The following MICAL2 variants were observed in gnomAD, a reference collection of about 807,000 sequenced individuals.
The protein encoded by MICAL2 is [F-actin]-monooxygenase MICAL2.
MICAL2 carries 77 observed loss-of-function variants against 127.3 expected under a neutral mutation model. The ratio of observed to expected loss-of-function variants is 0.60; its 90% CI spans 0.50 to 0.73. The LOEUF is 0.73. MICAL2 is among the 30% of genes least tolerant of loss of function. The pLI is 0.00. For synonymous variants in MICAL2, 570 were observed against 551.1 expected, an observed-to-expected ratio of 1.03 and a Z score of -0.48; for missense variants, 1,351 against 1,434.4, an observed-to-expected ratio of 0.94 and a Z score of 0.94.
intron 1 of MICAL2, among the ~76,000 whole-genome samples, chr11:12,126,473 T>C (rs1850929213): frequency 6.6e-6 from 1 of 152,212 alleles, no homozygotes; most frequent in African/African-American, 2.4e-5. Flanking sequence ...AGATCACAGC[T>C]GGCTCTGAAG....
chr11:12,266,111 C>G (rs1185667785), downstream of MICAL2, among the ~76,000 whole-genome samples: 1 of 151,672 alleles, frequency 6.6e-6, no homozygotes, highest in Non-Finnish European at 1.5e-5. Context: ...GACTCTGTCT[C>G]AAAAAGAAAA....
At chr11:12,341,270 A>G (rs2134881186) in intron 32 of MICAL2, among the ~76,000 whole-genome samples, 1 of 152,252 alleles carries the variant, frequency 6.6e-6, no homozygotes, top group Non-Finnish European at 1.5e-5. Flanking sequence ...GAAGATGAAG[A>G]CTACATCAAC....
At chr11:12,322,329 T>A (rs969748773) in intron 30 of MICAL2, among the ~76,000 whole-genome samples, 1 of 152,094 alleles carries the variant, frequency 6.6e-6, no homozygotes, top group African/African-American at 2.4e-5. Context: ...TCCAGAAAGA[T>A]CCTAGCTGCC....
downstream of MICAL2, among the ~76,000 whole-genome samples, chr11:12,362,124 T>G (rs1443498277): frequency 6.6e-6 from 1 of 152,240 alleles, no homozygotes; most frequent in Non-Finnish European, 1.5e-5. Context: ...AATGGTTTTG[T>G]GTCTCAGGAA....
Position 12,269,315 on chromosome 11 carries a change from G to A in MICAL2, c.3335-6671G>A, listed in dbSNP as rs182066433. Reference sequence around the variant, plus strand: ...TCCTCATTCAGAGGAATGCGGGTATGGGTCCTGGCTGTGCCCAAAGCTGAA... The same window carrying A: ...TCCTCATTCAGAGGAATGCGGGTATAGGTCCTGGCTGTGCCCAAAGCTGAA... On this transcript the variant is annotated intron_variant, in intron 24 of 34. Coordinates refer to the MICAL2 transcript ENST00000646065. Among the ~76,000 whole-genome samples the A allele has an allele frequency of 6.0e-3, 912 of 152,290 alleles. 22 individuals carry two copies. Among genetic ancestry groups the A allele is most frequent in the African/African-American group, 0.021 (884 of 41,546 alleles).
rs1295185463 is a variant in MICAL2, at chr11:12,218,378, G to T, written c.949-1823G>T. On this transcript the variant is annotated intron_variant, in intron 8 of 27. Coordinates refer to ENST00000683283, the MANE Select transcript of MICAL2 (RefSeq NM_001282663.2). ...TTCTTCCATCCCCCCACTCATCTGG[G>T]ACCCTCCAGCCACTAAGAGACTCCA... is the stretch of plus-strand genomic sequence containing the variant. 2.6e-5 allele frequency among the ~76,000 whole-genome samples: 4 copies of T among 152,064 alleles called. No homozygotes were observed. The East Asian group carries it at 7.7e-4, about 29-fold the overall frequency.
intron 3 of MICAL2, among the ~76,000 whole-genome samples, chr11:12,172,780 G>C (rs1856424903): frequency 6.6e-6 from 1 of 151,966 alleles, no homozygotes; most frequent in South Asian, 2.1e-4. Context: ...AACAGGAGAG[G>C]TCAGTCTCCT....
intron 16 of MICAL2, 24 bp downstream of exon 16, chr11:12,236,269 A>C: frequency 1.2e-6 from 2 of 1,610,754 alleles, no homozygotes; most frequent in Non-Finnish European, 1.7e-6. Flanking sequence ...GTGTGGCTTT[A>C]AACAGAGGCT....
chr11:12,242,824 C>A, intron 20 of MICAL2, 52 bp downstream of exon 20: 1 of 1,374,942 alleles, frequency 7.3e-7, no homozygotes, highest in Non-Finnish European at 1.0e-6. Context: ...GACATCCAGC[C>A]AGGTGACCTT....
intron 3 of MICAL2, among the ~76,000 whole-genome samples, chr11:12,182,236 G>T (rs1332074086): frequency 1.3e-5 from 2 of 152,302 alleles, no homozygotes; most frequent in Admixed American, 6.5e-5. Flanking sequence ...GAGATGGTTT[G>T]TGGCATAAAA....
At chr11:12,239,979 G>C (rs1441247788) in intron 17 of MICAL2, among the ~76,000 whole-genome samples, 1 of 152,240 alleles carries the variant, frequency 6.6e-6, no homozygotes, top group Non-Finnish European at 1.5e-5. Flanking sequence ...TTCCAACCGT[G>C]ACTTGGTTTG....
At chr11:12,318,273 C>T (rs1864252704) in intron 29 of MICAL2, among the ~76,000 whole-genome samples, 1 of 152,158 alleles carries the variant, frequency 6.6e-6, no homozygotes, top group Admixed American at 6.5e-5. Flanking sequence ...AAGAAGTGAA[C>T]ACTCAGTGAC....
At chr11:12,282,398 T>A (rs1330534449) in intron 2 of MICAL2, among the ~76,000 whole-genome samples, 1 of 152,126 alleles carries the variant, frequency 6.6e-6, no homozygotes, top group Non-Finnish European at 1.5e-5. Context: ...CATTTCCAGA[T>A]ATGAAGTTGG....
chr11:12,322,459 A>G (rs1281287083), intron 30 of MICAL2, among the ~76,000 whole-genome samples: 1 of 152,246 alleles, frequency 6.6e-6, no homozygotes, highest in Non-Finnish European at 1.5e-5. Flanking sequence ...GAGTTCTGAG[A>G]GTAAAATTTT....
chr11:12,191,144 G>A (rs916954295), intron 3 of MICAL2, among the ~76,000 whole-genome samples: 1 of 152,160 alleles, frequency 6.6e-6, no homozygotes, highest in Non-Finnish European at 1.5e-5. Context: ...GTTCTAGAGG[G>A]AGACAAACAA....
intron 32 of MICAL2, among the ~76,000 whole-genome samples, chr11:12,333,068 A>T (rs1306762547): frequency 6.6e-6 from 1 of 152,222 alleles, no homozygotes; most frequent in Non-Finnish European, 1.5e-5. Context: ...GAACAAACGT[A>T]TTAATGAGAG....
In MICAL2 at chr11:12,194,728, G is replaced by A. The variant is rs1001942726; in HGVS notation, c.265-9522G>A. ...TGGCCAGATCCAGGCCTTACCCCTC[G>A]ACTAGGAGCTCTGTGCTATTAAAAG... On this transcript the variant is annotated intron_variant, in intron 3 of 27. Transcript: ENST00000683283. Among the ~76,000 whole-genome samples the A allele has an allele frequency of 3.3e-5, 5 of 152,060 alleles. No homozygotes were observed. The East Asian group carries it at 5.8e-4, about 18-fold the overall frequency.
intron 29 of MICAL2, among the ~76,000 whole-genome samples, chr11:12,309,539 T>C (rs1005703092): frequency 1.3e-5 from 2 of 152,190 alleles, no homozygotes; most frequent in African/African-American, 2.4e-5. Flanking sequence ...TAATATTCCA[T>C]TGTGTATATA....
chr11:12,252,877 T>C (rs1861744077), intron 22 of MICAL2: 1 of 152,232 alleles, frequency 6.6e-6, no homozygotes, highest in Non-Finnish European at 1.5e-5. Flanking sequence ...TATCAACCCC[T>C]GCCCAGAGGC....
Sources: gnomAD v4.1 joint callset for allele counts (sites outside exome capture counted in the v4.1 genomes callset) on GRCh38, gnomAD v4.1.1 for gene constraint, MANE v1.5 for transcripts, NCBI Gene and HGNC (gene_info 2026-07-23, HGNC 2026-07-21) for gene names.